Variants in SLC38A6 observed in about 807,000 individuals in gnomAD.
The protein encoded by SLC38A6 is solute carrier family 38 member 6, also known as N system amino acid transporter NAT-1.
Under a neutral mutation model 65.0 loss-of-function variants are expected in SLC38A6, and 73 were observed. The observed-to-expected ratio is 1.12, with a 90% CI of 0.93 to 1.37. The LOEUF (loss-of-function observed/expected upper bound fraction) is 1.37. Among genes scored for constraint, SLC38A6 ranks in the 40% most tolerant of loss-of-function variants. SLC38A6 has a pLI of 0.00. For missense variants in SLC38A6, 561 were observed against 531.1 expected, an observed-to-expected ratio of 1.06 and a Z score of -0.55; for synonymous variants, 183 against 178.8, an observed-to-expected ratio of 1.02 and a Z score of -0.19.
At chr14:61,066,878 C>T (rs2043035711) in intron 15 of SLC38A6, among the ~76,000 whole-genome samples, 1 of 151,982 alleles carries the variant, frequency 6.6e-6, no homozygotes, top group African/African-American at 2.4e-5. Context: ...TGGACAGATA[C>T]ACAACACAAG....
In SLC38A6 at chr14:61,000,115, T is replaced by C. The variant is rs1595008390; in HGVS notation, c.310+15312T>C. Among the ~76,000 whole-genome samples the C allele has an allele frequency of 2.0e-5, 3 of 152,380 alleles. No homozygotes were observed. The South Asian group carries it at 6.2e-4, about 32-fold the overall frequency. The stretch of plus-strand genomic sequence containing the variant: ...TCCAAACAAAACAAATTATAGTCTT[T>C]TCTGCATTTACATGGTAATTGTATT... On this transcript the variant is annotated intron_variant, in intron 3 of 15. Transcript: ENST00000267488.
intron 15 of SLC38A6, among the ~76,000 whole-genome samples, chr14:61,070,962 G>C (rs1261383055): frequency 6.6e-6 from 1 of 151,908 alleles, no homozygotes; most frequent in Non-Finnish European, 1.5e-5. Flanking sequence ...TCAGATATGC[G>C]GTTTGCAAAT....
chr14:61,019,932 G>A (rs907322155), intron 5 of SLC38A6, among the ~76,000 whole-genome samples: 8 of 152,106 alleles, frequency 5.3e-5, no homozygotes, highest in African/African-American at 1.7e-4. Flanking sequence ...TCACCCTATT[G>A]GCAGATACTA....
At chr14:61,023,132 A>G (rs182253569) in intron 5 of SLC38A6, among the ~76,000 whole-genome samples, 2 of 152,334 alleles carry the variant, frequency 1.3e-5, no homozygotes, top group Admixed American at 1.3e-4. Flanking sequence ...TTTGCCTCAA[A>G]GAGACAATTG....
At chr14:61,064,474 A>G (rs1300878074) in intron 15 of SLC38A6, among the ~76,000 whole-genome samples, 1 of 151,770 alleles carries the variant, frequency 6.6e-6, no homozygotes, top group Admixed American at 6.6e-5. Context: ...AGGTTTGGCA[A>G]AGGGACAGTC....
intron 3 of SLC38A6, among the ~76,000 whole-genome samples, chr14:60,992,221 G>A (rs2139718357): frequency 6.6e-6 from 1 of 152,268 alleles, no homozygotes; most frequent in Non-Finnish European, 1.5e-5. Flanking sequence ...AGCTACCTCT[G>A]ATATTGGAGA....
chr14:61,015,589 G>GA (rs1253501047), intron 3 of SLC38A6, among the ~76,000 whole-genome samples: 1 of 152,174 alleles, frequency 6.6e-6, no homozygotes, highest in East Asian at 1.9e-4. Context: ...TCACTACTGA[G>GA]AAAAAGACAT....
chr14:61,010,256 T>G lies in SLC38A6; in HGVS notation c.311-5648T>G, dbSNP rs567846657. On this transcript the variant is annotated intron_variant, in intron 3 of 15. Transcript: ENST00000267488. The stretch of plus-strand genomic sequence containing the variant: ...TTTTTTCTTGTAAATTTGTTTGAGT[T>G]CATTGTAGATTCTGGATATTAGCCC... Among the ~76,000 whole-genome samples, 29 of 152,320 alleles carry G rather than the reference T, an allele frequency of 1.9e-4. 1 individual carries two copies. Among genetic ancestry groups the G allele is most frequent in the Middle Eastern group, 6.8e-3 (2 of 294 alleles).
At chr14:61,012,167 GCA>G in intron 3 of SLC38A6, among the ~76,000 whole-genome samples, 17 of 152,286 alleles carry the variant, frequency 1.1e-4, no homozygotes, top group Admixed American at 3.9e-4. Context: ...TAGTTTATTT[GCA>G]TAGAGGTGTT....
rs948108918 is a variant in SLC38A6 at position 61,031,974 on chromosome 14, G to T, written c.482+1451G>T. On this transcript the variant is annotated intron_variant, in intron 6 of 15. Transcript: ENST00000267488. Reference sequence around the variant, plus strand: ...GTGATATAATGGGGGTACCAATATTGCCTTCTCAATAAAGTTGCTGGGATG... The same window carrying T: ...GTGATATAATGGGGGTACCAATATTTCCTTCTCAATAAAGTTGCTGGGATG... Among the ~76,000 whole-genome samples, 8 of 151,862 alleles carry T rather than the reference G, an allele frequency of 5.3e-5. No homozygotes were observed. The East Asian group carries it at 1.5e-3, about 29-fold the overall frequency.
chr14:60,983,830 G>T (rs1186073813), intron 2 of SLC38A6, among the ~76,000 whole-genome samples: 1 of 152,116 alleles, frequency 6.6e-6, no homozygotes, highest in Admixed American at 6.5e-5. Context: ...ATGCACCAGG[G>T]TCTTACATGC....
At chr14:60,995,047 G>A (rs1386862388) in intron 3 of SLC38A6, among the ~76,000 whole-genome samples, 1 of 148,744 alleles carries the variant, frequency 6.7e-6, no homozygotes, top group Non-Finnish European at 1.5e-5. Context: ...GAGGCATCAA[G>A]CCATGAAAAG....
At chr14:61,051,957 A>T (rs765093687) in intron 14 of SLC38A6, 26 bp downstream of exon 14, 2 of 1,604,496 alleles carry the variant, frequency 1.2e-6, no homozygotes, top group Admixed American at 3.5e-5. Flanking sequence ...CAAAAAGTTC[A>T]CATAATAAAA....
chr14:61,030,792 C>T (rs2040935251), intron 6 of SLC38A6: 3 of 249,742 alleles, frequency 1.2e-5, no homozygotes, highest in Admixed American at 1.1e-4. Context: ...TAGGCTAAGA[C>T]AGGTCTGAGA....
At chr14:61,004,297 C>G (rs2038923349) in intron 3 of SLC38A6, 1 of 152,070 alleles carries the variant, frequency 6.6e-6, no homozygotes, top group African/African-American at 2.4e-5. Context: ...TCCGGTTAGC[C>G]TTTTTGATGG....
intron 15 of SLC38A6, among the ~76,000 whole-genome samples, chr14:61,065,440 T>C (rs1174751603): frequency 6.6e-6 from 1 of 152,228 alleles, no homozygotes; most frequent in African/African-American, 2.4e-5. Context: ...AGCTAAGCAT[T>C]GGTCTTCATG....
At chr14:61,000,418 A>G (rs541190407) in intron 3 of SLC38A6, among the ~76,000 whole-genome samples, 2 of 152,232 alleles carry the variant, frequency 1.3e-5, no homozygotes, top group African/African-American at 4.8e-5. Context: ...TCACGAGGTC[A>G]GGAGTTCGTG....
rs773589623 is a variant in SLC38A6, at chr14:61,037,070, T to C, written c.494T>C (p.Leu165Pro). The C allele has an allele frequency of 7.4e-6, 12 of 1,612,194 alleles. No individual in the cohort carries two copies. In the Admixed American group the frequency reaches 1.8e-4, roughly 25 times the overall value. Residue 165 changes from leucine to proline, a missense_variant, in exon 7 of 16, where the codon CTT becomes CCT. Transcript: ENST00000267488. Reference protein sequence around the residue: ...LTGDYSRYWYLDGQTLLIIIC... With the variant: ...LTGDYSRYWYPDGQTLLIIIC... Reference sequence around the variant, plus strand: ...TTTTTTTATAATAGATATTGGTATCTTGATGGACAAACACTACTAATAATC... The same window carrying C: ...TTTTTTTATAATAGATATTGGTATCCTGATGGACAAACACTACTAATAATC...
chr14:61,015,835 C>T, intron 3 of SLC38A6, 69 bp from the exon 4 acceptor site: 1 of 1,247,174 alleles, frequency 8.0e-7, no homozygotes, highest in South Asian at 1.4e-5. Flanking sequence ...GTAGGACCTG[C>T]TCTTCTCTTT....
Sources: allele counts gnomAD v4.1 joint callset (sites outside exome capture counted in the v4.1 genomes callset), GRCh38; gene constraint gnomAD v4.1.1; transcripts MANE v1.5; gene names NCBI Gene and HGNC (gene_info 2026-07-23, HGNC 2026-07-21).